The following KAT2B variants were observed in gnomAD, a reference collection of about 807,000 sequenced individuals.
KAT2B encodes histone acetyltransferase KAT2B.
A neutral mutation model predicts 105.9 loss-of-function variants in KAT2B; 36 were observed. That is an observed-to-expected ratio of 0.34 (90% CI 0.26 to 0.45). The LOEUF is 0.45. Among genes scored for constraint, KAT2B ranks in the 20% least tolerant of loss-of-function variants. KAT2B has a pLI of 1.00. For missense variants in KAT2B, 820 were observed against 1,021.6 expected, an observed-to-expected ratio of 0.80 and a Z score of 2.69; for synonymous variants, 397 against 377.9, an observed-to-expected ratio of 1.05 and a Z score of -0.59.
chr3:20,049,028 A>T (rs1408845288), intron 1 of KAT2B, among the ~76,000 whole-genome samples: 1 of 151,916 alleles, frequency 6.6e-6, no homozygotes, highest in Admixed American at 6.6e-5. Context: ...CGCCCGGCTA[A>T]TTTTTGTATT....
chr3:20,101,196 CT>C, intron 4 of KAT2B, 90 bp from the exon 5 acceptor site: 1 of 996,414 alleles, frequency 1.0e-6, no homozygotes, highest in Non-Finnish European at 1.5e-6. Context: ...TGTTATTTTG[CT>C]AATAACCACC....
At position 20,072,424 on chromosome 3, in the gene KAT2B, T is replaced by C. The variant is rs1278224972; in HGVS notation, c.395T>C (p.Leu132Pro). ...GACCTGCAGCAAATAATTGTCAGTC[T>C]AACAGAATCCTGTCGGAGTTGTAGC... ...RADLQQIIVS[L>P]TESCRSCSHA... The change falls in exon 2 of 18, where the codon CTA becomes CCA. Residue 132 changes from leucine (L) to proline (P), a missense_variant. Coordinates refer to ENST00000263754, the MANE Select transcript of KAT2B (RefSeq NM_003884.5). 1.9e-6 allele frequency: 3 copies of C among 1,613,948 alleles called. No homozygotes were observed. Among genetic ancestry groups the C allele is most frequent in the Non-Finnish European group, 2.5e-6 (3 of 1,179,788 alleles).
chr3:20,102,556 G>A (rs190643046), intron 5 of KAT2B, among the ~76,000 whole-genome samples: 2 of 152,072 alleles, frequency 1.3e-5, no homozygotes, highest in East Asian at 3.9e-4. Context: ...CTCTATTGCT[G>A]GACATTCAAA....
intron 5 of KAT2B, among the ~76,000 whole-genome samples, chr3:20,104,369 G>A (rs78684476): frequency 0.043 from 6,570 of 152,076 alleles, 196 homozygotes; most frequent in South Asian, 0.076. Flanking sequence ...CCTCCCCCAC[G>A]TCCCCACCAT....
chr3:20,060,399 T>C (rs1301182988), intron 1 of KAT2B, among the ~76,000 whole-genome samples: 1 of 152,160 alleles, frequency 6.6e-6, no homozygotes, highest in African/African-American at 2.4e-5. Context: ...GTCGGGAGTC[T>C]GAGACCAACC....
intron 2 of KAT2B, among the ~76,000 whole-genome samples, chr3:20,080,759 A>G (rs1559305209): frequency 6.6e-6 from 1 of 152,242 alleles, no homozygotes; most frequent in East Asian, 1.9e-4. Context: ...TAAGCGTGAA[A>G]TGCACACAGG....
intron 6 of KAT2B, 61 bp downstream of exon 6, chr3:20,111,848 T>A: frequency 8.0e-7 from 1 of 1,252,218 alleles, no homozygotes; most frequent in Non-Finnish European, 1.1e-6. Flanking sequence ...CTAAATACAA[T>A]GCCAAAGCCT....
At chr3:20,097,762 C>G (rs1698836439) in intron 3 of KAT2B, among the ~76,000 whole-genome samples, 1 of 151,988 alleles carries the variant, frequency 6.6e-6, no homozygotes, top group African/African-American at 2.4e-5. Context: ...GTCTTGAACT[C>G]CTAGCCTCAA....
chr3:20,068,467 A>G (rs954431858), intron 1 of KAT2B, among the ~76,000 whole-genome samples: 1 of 150,738 alleles, frequency 6.6e-6, no homozygotes, highest in African/African-American at 2.4e-5. Flanking sequence ...CTCTAAGGTC[A>G]TCTCAAAAAG....
intron 15 of KAT2B, 114 bp from the exon 16 acceptor site, chr3:20,148,129 A>T: frequency 7.3e-7 from 1 of 1,361,656 alleles, no homozygotes; most frequent in Non-Finnish European, 1.0e-6. Context: ...GTTTCCTAAA[A>T]CATTCTGGAA....
intron 8 of KAT2B, among the ~76,000 whole-genome samples, chr3:20,122,414 T>C (rs1699326716): frequency 6.6e-6 from 1 of 152,186 alleles, no homozygotes; most frequent in African/African-American, 2.4e-5. Context: ...TGAAGGAACA[T>C]GTGCCTTAAT....
At chr3:20,128,829 A>G (rs1254044257) in intron 11 of KAT2B, among the ~76,000 whole-genome samples, 2 of 151,972 alleles carry the variant, frequency 1.3e-5, no homozygotes, top group Non-Finnish European at 1.5e-5. Context: ...CCAATGTGGT[A>G]AAACCCTGTC....
chr3:20,148,512 T>C (rs761094668), intron 17 of KAT2B, 25 bp downstream of exon 17: 14 of 1,508,000 alleles, frequency 9.3e-6, no homozygotes, highest in Non-Finnish European at 1.2e-5. Context: ...ATTTTCTAAG[T>C]ATAGATTTAA....
At chr3:20,082,383 TA>T (rs1698535551) in intron 2 of KAT2B, among the ~76,000 whole-genome samples, 1 of 152,138 alleles carries the variant, frequency 6.6e-6, no homozygotes, top group Non-Finnish European at 1.5e-5. Context: ...TTAGTAAATT[TA>T]ACATTAATAT....
intron 2 of KAT2B, among the ~76,000 whole-genome samples, chr3:20,090,024 G>A (rs948965796): frequency 6.6e-6 from 1 of 150,836 alleles, no homozygotes; most frequent in Non-Finnish European, 1.5e-5. Flanking sequence ...AAAAAAAAAC[G>A]AATGGTACTG....
At chr3:20,105,593 A>G (rs1363736935) in intron 5 of KAT2B, among the ~76,000 whole-genome samples, 1 of 152,122 alleles carries the variant, frequency 6.6e-6, no homozygotes, top group African/African-American at 2.4e-5. Context: ...CCTGGGCAAC[A>G]GAATGAGACT....
chr3:20,124,856 GCCTT>G (rs201337657), intron 9 of KAT2B, among the ~76,000 whole-genome samples: 30 of 152,184 alleles, frequency 2.0e-4, no homozygotes, highest in African/African-American at 6.7e-4. Flanking sequence ...ACCAGTTAGG[GCCTT>G]CCTTCCTTGA....
At chr3:20,040,813 G>A in intron 1 of KAT2B, 33 bp downstream of exon 1, 1 of 1,556,334 alleles carries the variant, frequency 6.4e-7, no homozygotes, top group Non-Finnish European at 8.6e-7. Context: ...CCGCGGATGG[G>A]TGCTAGGGGC....
At chr3:20,100,377 A>G (rs1295034142) in intron 4 of KAT2B, among the ~76,000 whole-genome samples, 1 of 152,208 alleles carries the variant, frequency 6.6e-6, no homozygotes, top group African/African-American at 2.4e-5. Flanking sequence ...AAAGCAAAAA[A>G]GAAATGAGAT....
Sources: gnomAD v4.1 joint callset for allele counts (sites outside exome capture counted in the v4.1 genomes callset) on GRCh38, gnomAD v4.1.1 for gene constraint, MANE v1.5 for transcripts, NCBI Gene and HGNC (gene_info 2026-07-23, HGNC 2026-07-21) for gene names.